Variants in PDIK1L observed in about 807,000 individuals in gnomAD.
PDIK1L encodes PDLIM1 interacting kinase 1 like, also known as serine/threonine-protein kinase PDIK1L.
In PDIK1L, 9 loss-of-function variants were observed where a neutral mutation model predicts 27.1. That is an observed-to-expected ratio of 0.33 (90% confidence interval 0.20 to 0.58). The LOEUF (loss-of-function observed/expected upper bound fraction) is 0.58. PDIK1L is among the 20% of genes least tolerant of loss of function. The pLI is 0.86. For missense variants in PDIK1L, 216 were observed against 413.2 expected, an observed-to-expected ratio of 0.52 and a Z score of 4.14; for synonymous variants, 130 against 141.7, an observed-to-expected ratio of 0.92 and a Z score of 0.59.
intron 2 of PDIK1L, among the ~76,000 whole-genome samples, chr1:26,119,802 T>G (rs1379812766): frequency 2.0e-5 from 3 of 151,990 alleles, no homozygotes; most frequent in African/African-American, 7.3e-5. Flanking sequence ...GAGGTTGCAG[T>G]GAGCCGAGAT....
chr1:26,119,269 G>A (rs759821401), intron 2 of PDIK1L, among the ~76,000 whole-genome samples: 9 of 152,184 alleles, frequency 5.9e-5, no homozygotes, highest in South Asian at 2.1e-4. Context: ...TTAGACGGGC[G>A]TGGTGGTGCA....
rs1330626367 is a variant in PDIK1L, at chr1:26,123,340, C to T, written c.*763C>T. On this transcript the variant is annotated 3_prime_UTR_variant, in exon 3 of 3. Transcript: ENST00000374269. ...GCAAGAGTTGAATTAGTCATGCAGTCATATGGCAGCAGGTTGGTGATTCAG... is the reference window on the plus strand; with the variant it reads ...GCAAGAGTTGAATTAGTCATGCAGTTATATGGCAGCAGGTTGGTGATTCAG... 1 of 152,212 alleles carries T rather than the reference C, an allele frequency of 6.6e-6. No individual in the cohort carries two copies. Among genetic ancestry groups the T allele is most frequent in the African/African-American group, 2.4e-5 (1 of 41,456 alleles). The allele number at this position is 152,212 out of a possible 1,614,324, so 9.4% of individuals were successfully genotyped here. A position where few individuals can be genotyped will look rare whatever the true frequency, so the allele number is the denominator to read the frequency against.
chr1:26,121,738 A>G, intron 2 of PDIK1L, 99 bp from the exon 3 acceptor site: 2 of 1,214,300 alleles, frequency 1.6e-6, no homozygotes, highest in South Asian at 3.3e-5. Flanking sequence ...GTTTCCACTT[A>G]AAGGTGGAGA....
chr1:26,122,705 T>A lies in PDIK1L; in HGVS notation c.*128T>A. 3.9e-6 allele frequency: 4 copies of A among 1,025,876 alleles called. No homozygotes were observed. The highest frequency in any genetic ancestry group is 5.1e-6 in the Non-Finnish European group (4 of 779,910). The allele number at this position is 1,025,876 out of a possible 1,614,324, so 63.5% of individuals were successfully genotyped here. A position where few individuals can be genotyped will look rare whatever the true frequency, so the allele number is the denominator to read the frequency against. On this transcript the variant is annotated 3_prime_UTR_variant, in exon 3 of 3. Transcript: ENST00000374269. This position sits in a 1 kb window ranked among gnomAD's most constrained non-coding sequence, Gnocchi z 5.4. ...CTAAGGGTTTAGATTTTTTGTGGGATTTTTTTTTTCCTCATTTTTCTTAAA... is the reference window on the plus strand; with the variant it reads ...CTAAGGGTTTAGATTTTTTGTGGGAATTTTTTTTTCCTCATTTTTCTTAAA...
At chr1:26,111,546 G>A (rs994277057), upstream of PDIK1L, 5 of 151,334 alleles carry the variant, frequency 3.3e-5, no homozygotes, top group Non-Finnish European at 5.9e-5. This position sits in a 1 kb window ranked among gnomAD's most constrained non-coding sequence, Gnocchi z 4.0. Context: ...TGCGGCTGGA[G>A]GGTGGCCGAG....
intron 2 of PDIK1L, among the ~76,000 whole-genome samples, chr1:26,117,600 A>G (rs972569979): frequency 1.3e-5 from 2 of 152,050 alleles, no homozygotes; most frequent in African/African-American, 2.4e-5. Flanking sequence ...AAAATTAGCC[A>G]GGTGTGGCAG....
intron 2 of PDIK1L, among the ~76,000 whole-genome samples, chr1:26,116,006 G>A (rs1336410556): frequency 2.0e-5 from 3 of 152,076 alleles, no homozygotes; most frequent in Non-Finnish European, 4.4e-5. Context: ...TTTGAGACCA[G>A]CCTGGCCAAC....
At position 26,114,663 on chromosome 1, in the gene PDIK1L, G is replaced by A. The variant is rs2087851221; in HGVS notation, c.285+70G>A. ...TTGGCCAGCAAGAAGAGGAATGAAA[G>A]GGTCAGACGAACGTTTCCCTTTAAA... On this transcript the variant is annotated intron_variant, in intron 2 of 2. Coordinates refer to ENST00000374269, the MANE Select transcript of PDIK1L (RefSeq NM_152835.5). The surrounding 1 kb of genome is among the most constrained non-coding windows in gnomAD (Gnocchi z 4.8). 4.0e-6 allele frequency: 6 copies of A among 1,516,436 alleles called. No homozygotes were observed. In the South Asian group the frequency reaches 7.3e-5, roughly 18 times the overall value. 93.9% of individuals were successfully genotyped at this position (1,516,436 alleles called of 1,614,324 possible).
At chr1:26,120,340 C>T (rs1358466620) in intron 2 of PDIK1L, among the ~76,000 whole-genome samples, 1 of 152,116 alleles carries the variant, frequency 6.6e-6, no homozygotes, top group Admixed American at 6.6e-5. Flanking sequence ...AGAAGAAAAG[C>T]ATGTTTAGTA....
At chr1:26,117,812 C>G (rs544065936) in intron 2 of PDIK1L, among the ~76,000 whole-genome samples, 1 of 151,992 alleles carries the variant, frequency 6.6e-6, no homozygotes, top group Non-Finnish European at 1.5e-5. Context: ...AATCCCGGCA[C>G]TTCGGGAGGC....
In PDIK1L at chr1:26,114,351, G is replaced by A; in HGVS notation, c.43G>A (p.Gly15Ser). ...QPKYDLIREV[G>S]RGSYGVVYEA... ...AAAGTACGATCTAATACGGGAGGTA[G>A]GCCGAGGTAGTTACGGTGTTGTGTA... Residue 15 changes from glycine to serine, a missense_variant, in exon 2 of 3, where the codon GGC becomes AGC. By Grantham distance (56) the Gly-to-Ser change is moderately conservative (BLOSUM62 0). Transcript: ENST00000374269. This position sits in a 1 kb window ranked among gnomAD's most constrained non-coding sequence, Gnocchi z 4.8. The A allele has an allele frequency of 6.2e-7, 1 of 1,614,054 alleles. No individual in the cohort carries two copies. Among genetic ancestry groups the A allele is most frequent in the Non-Finnish European group, 8.5e-7 (1 of 1,179,972 alleles).
chr1:26,113,356 G>A (rs1204447609), intron 1 of PDIK1L, among the ~76,000 whole-genome samples: 2 of 151,980 alleles, frequency 1.3e-5, no homozygotes, highest in Non-Finnish European at 2.9e-5. Context: ...GCCGGGTGTG[G>A]TGGCAGGCGC....
At chr1:26,111,539 G>A (rs1035823808), upstream of PDIK1L, 8 of 151,368 alleles carry the variant, frequency 5.3e-5, no homozygotes, top group African/African-American at 1.9e-4. The surrounding 1 kb of genome is among the most constrained non-coding windows in gnomAD (Gnocchi z 4.0). Flanking sequence ...CGCCCGCTGC[G>A]GCTGGAGGGT....
intron 2 of PDIK1L, among the ~76,000 whole-genome samples, chr1:26,116,285 G>A (rs903387409): frequency 1.1e-4 from 17 of 151,976 alleles, no homozygotes; most frequent in African/African-American, 4.1e-4. Context: ...TGAAGCAGGA[G>A]GATCACTTCA....
Position 26,114,632 on chromosome 1 carries a change from A to G in PDIK1L, c.285+39A>G. 49 of 1,593,608 alleles carry G rather than the reference A, an allele frequency of 3.1e-5. No homozygotes were observed. The highest frequency in any genetic ancestry group is 4.2e-5 in the Non-Finnish European group (49 of 1,165,346). On this transcript the variant is annotated intron_variant, in intron 2 of 2. Coordinates refer to ENST00000374269, the MANE Select transcript of PDIK1L (RefSeq NM_152835.5). The surrounding 1 kb of genome is among the most constrained non-coding windows in gnomAD (Gnocchi z 4.8). ...ATTGGGAAATAGAAATGATTTGAAC[A>G]TGGCATTGGCCAGCAAGAAGAGGAA...
rs772926190 is a variant in PDIK1L, at chr1:26,123,907, A to G, written c.*1330A>G. ...TTTTATCTTTGTATGGTTGTCTACA[A>G]TTTGTTTTCCTGTAAATGCAGATAG... On this transcript the variant is annotated 3_prime_UTR_variant, in exon 3 of 3. Coordinates refer to ENST00000374269, the MANE Select transcript of PDIK1L (RefSeq NM_152835.5). 4 of 152,640 alleles carry G rather than the reference A, an allele frequency of 2.6e-5. No individual in the cohort carries two copies. The highest frequency in any genetic ancestry group is 4.4e-5 in the Non-Finnish European group (3 of 68,032). The allele number at this position is 152,640 out of a possible 1,614,324, so 9.5% of individuals were successfully genotyped here. A position where few individuals can be genotyped will look rare whatever the true frequency, so the allele number is the denominator to read the frequency against.
In PDIK1L at chr1:26,114,395, G is replaced by A. The variant is rs1277018739; in HGVS notation, c.87G>A (p.Lys29=). Residue 29 remains lysine (K), a synonymous_variant, in exon 2 of 3, where the codon AAG becomes AAA. Coordinates refer to ENST00000374269, the MANE Select transcript of PDIK1L (RefSeq NM_152835.5). The surrounding 1 kb of genome is among the most constrained non-coding windows in gnomAD (Gnocchi z 4.8). ...TTGTGTATGAAGCAGTCATCAGAAA[G>A]ACCTCTGCACGGGTGGCAGTGAAGA... ...YGVVYEAVIR[K]TSARVAVKKI... 1.2e-6 allele frequency: 2 copies of A among 1,614,122 alleles called. No individual in the cohort carries two copies.
intron 2 of PDIK1L, among the ~76,000 whole-genome samples, chr1:26,119,912 G>A (rs2087949020): frequency 6.6e-6 from 1 of 152,168 alleles, no homozygotes; most frequent in Non-Finnish European, 1.5e-5. Flanking sequence ...TTTTAGATGA[G>A]GCTAGAGGGG....
chr1:26,117,028 TTTTTTTTTTTTTTTC>T (rs1287072447), intron 2 of PDIK1L, among the ~76,000 whole-genome samples: 1 of 129,274 alleles, frequency 7.7e-6, no homozygotes. Flanking sequence ...TTTTTTTTTT[TTTTTTTTTTTTTTTC>T]TTTTTTGAGA....
Sources: gnomAD v4.1 joint callset for allele counts (sites outside exome capture counted in the v4.1 genomes callset) on GRCh38, gnomAD v4.1.1 for gene constraint, Gnocchi (gnomAD v3.1) non-coding constraint, MANE v1.5 for transcripts, NCBI Gene and HGNC (gene_info 2026-07-23, HGNC 2026-07-21) for gene names.